LRRK1: variants seen among roughly 807,000 people sequenced by gnomAD.
The protein encoded by LRRK1 is leucine-rich repeat serine/threonine-protein kinase 1.
LRRK1 carries 113 observed loss-of-function variants against 209.1 expected under a neutral mutation model. The ratio of observed to expected loss-of-function variants is 0.54; its 90% CI spans 0.46 to 0.63. The LOEUF (loss-of-function observed/expected upper bound fraction) is 0.63. Ranked by LOEUF, LRRK1 falls within the 30% of genes least tolerant of loss-of-function variation. LRRK1 has a pLI of 0.00. For missense variants in LRRK1, 2,284 were observed against 2,632.2 expected (o/e 0.87, Z 2.89); for synonymous variants, 1,144 against 1,099.7 (o/e 1.04, Z -0.80).
At chr15:101,039,074 T>G (rs1193365974) in intron 20 of LRRK1, among the ~76,000 whole-genome samples, 1 of 152,266 alleles carries the variant, frequency 6.6e-6, no homozygotes, top group Non-Finnish European at 1.5e-5. Flanking sequence ...TTTGTTCTTC[T>G]GTTTCAAGAT....
chr15:101,027,408 A>G lies in LRRK1; in HGVS notation c.2526+27A>G, dbSNP rs1375410500. On this transcript the variant is annotated intron_variant, in intron 18 of 33. Transcript: ENST00000388948. This position sits in a 1 kb window ranked among gnomAD's most constrained non-coding sequence, Gnocchi z 5.1. ...TGGGTACCTTGCTGGTCCAGTTTAA[A>G]CCAGTCTGCCTGCTTCCCATTGTTG... 7 of 1,607,630 alleles carry G rather than the reference A, an allele frequency of 4.4e-6. No homozygotes were observed. In the South Asian group the frequency reaches 4.4e-5, roughly 10 times the overall value.
intron 12 of LRRK1, among the ~76,000 whole-genome samples, chr15:101,015,866 C>T (rs1196800222): frequency 1.3e-5 from 2 of 152,172 alleles, no homozygotes; most frequent in Non-Finnish European, 2.9e-5. Flanking sequence ...GTTCTGGAAG[C>T]TGGATATCTG....
chr15:100,924,278 G>A (rs1480281375), intron 1 of LRRK1, among the ~76,000 whole-genome samples: 2 of 152,156 alleles, frequency 1.3e-5, no homozygotes, highest in Non-Finnish European at 2.9e-5. Flanking sequence ...TTTTCCAATT[G>A]TCTGGGGTTT....
At position 100,944,576 on chromosome 15, in the gene LRRK1, C is replaced by A. The variant is rs563525337; in HGVS notation, c.97+19847C>A. Among the ~76,000 whole-genome samples the A allele has an allele frequency of 6.2e-4, 94 of 152,298 alleles. 3 individuals carry two copies. The highest frequency in any genetic ancestry group is 2.2e-3 in the African/African-American group (92 of 41,556). On this transcript the variant is annotated intron_variant, in intron 2 of 33. Transcript: ENST00000388948. ...TGATAGACACCAGCCTACAATTCTA[C>A]CAGCTACGGAGGACTCCTGATCTTG...
intron 30 of LRRK1, among the ~76,000 whole-genome samples, chr15:101,061,748 C>T (rs1210759984): frequency 5.3e-5 from 8 of 152,160 alleles, no homozygotes; most frequent in South Asian, 2.1e-4. Flanking sequence ...CAGGGGCTCA[C>T]GCCTGTAATC....
intron 2 of LRRK1, among the ~76,000 whole-genome samples, chr15:100,972,343 A>AT (rs1411501305): frequency 7.3e-4 from 71 of 96,872 alleles, no homozygotes; most frequent in African/African-American, 2.3e-3. Flanking sequence ...TATGAGAGAG[A>AT]GAGAGAGAGA....
At chr15:101,015,821 C>T (rs74406250) in intron 12 of LRRK1, among the ~76,000 whole-genome samples, 4 of 151,944 alleles carry the variant, frequency 2.6e-5, no homozygotes, top group African/African-American at 9.7e-5. Flanking sequence ...TACCACCGAC[C>T]GAGTGCTTCA....
At chr15:101,067,128 T>G (rs2036575817) in intron 33 of LRRK1, 1 of 397,656 alleles carries the variant, frequency 2.5e-6, no homozygotes, top group Non-Finnish European at 5.1e-6. Context: ...CAGCACCCTA[T>G]GGGGACAGAT....
chr15:100,964,809 C>T (rs12904580), intron 2 of LRRK1, among the ~76,000 whole-genome samples: 1 of 13,990 alleles, frequency 7.1e-5, no homozygotes, highest in Non-Finnish European at 2.4e-4. Context: ...CACACGCATG[C>T]GCGCACACAC....
intron 6 of LRRK1, among the ~76,000 whole-genome samples, chr15:100,992,777 C>T (rs748124011): frequency 2.8e-4 from 43 of 152,044 alleles, no homozygotes; most frequent in Non-Finnish European, 5.9e-4. Flanking sequence ...CAAGCAATTC[C>T]CCTGCCTCAG....
Position 100,977,046 on chromosome 15 carries a change from A to G in LRRK1, c.261+3079A>G, listed in dbSNP as rs116339465. 7.8e-3 allele frequency among the ~76,000 whole-genome samples: 1,188 copies of G among 152,312 alleles called. 16 individuals carry two copies. The highest frequency in any genetic ancestry group is 0.027 in the African/African-American group (1,141 of 41,562). ...AAACAAACGTAGGATTCTAAAAGGT[A>G]GAGAAAAGAAGGCAGAGTAGCTGGT... On this transcript the variant is annotated intron_variant, in intron 3 of 33. Coordinates refer to ENST00000388948, the MANE Select transcript of LRRK1 (RefSeq NM_024652.6).
intron 1 of LRRK1, among the ~76,000 whole-genome samples, chr15:100,920,745 G>A (rs1004444956): frequency 6.7e-6 from 1 of 148,734 alleles, no homozygotes; most frequent in East Asian, 2.0e-4. Flanking sequence ...ATAGCAGCGT[G>A]CGTCTGTGTG....
chr15:101,066,313 C>T (rs1169789820), intron 32 of LRRK1, 108 bp downstream of exon 32: 2 of 1,410,122 alleles, frequency 1.4e-6, no homozygotes, highest in Non-Finnish European at 1.9e-6. Flanking sequence ...TGTGGGGAGG[C>T]AGGTGCTGTT....
intron 9 of LRRK1, among the ~76,000 whole-genome samples, chr15:101,011,324 A>T (rs555489524): frequency 3.8e-4 from 58 of 151,798 alleles, no homozygotes; most frequent in African/African-American, 6.5e-4. Context: ...AAAAAAAAAA[A>T]AATAAGCTGG....
chr15:101,026,122 C>G lies in LRRK1; in HGVS notation c.2390C>G (p.Thr797Ser). 6.2e-7 allele frequency: 1 copy of G among 1,614,254 alleles called. No individual in the cohort carries two copies. Among genetic ancestry groups the G allele is most frequent in the African/African-American group, 1.3e-5 (1 of 75,076 alleles). ...GSRATGFPDI[T>S]FKHLHEISCK... ...AGGGCCACAGGCTTCCCAGACATCA[C>G]CTTCAAACACTTACAGTGAGTGCCC... The change falls in exon 17 of 34, where the codon ACC (threonine) becomes AGC (serine). Residue 797 changes from threonine (T) to serine (S), a missense_variant. This residue lies in a region of LRRK1 where 780 missense variants were observed against 985.2 expected (regional missense o/e 0.79). Coordinates refer to ENST00000388948, the MANE Select transcript of LRRK1 (RefSeq NM_024652.6).
chr15:100,989,098 A>T, intron 5 of LRRK1, 152 bp from the exon 6 acceptor site: 1 of 764,220 alleles, frequency 1.3e-6, no homozygotes, highest in Admixed American at 2.6e-5. Context: ...TCTCCCACTA[A>T]CAGAAACTTG....
At chr15:101,001,110 C>A (rs1197583070) in intron 6 of LRRK1, among the ~76,000 whole-genome samples, 1 of 152,166 alleles carries the variant, frequency 6.6e-6, no homozygotes, top group African/African-American at 2.4e-5. Flanking sequence ...AGAGATGAGG[C>A]ACAGTTTGTT....
intron 2 of LRRK1, among the ~76,000 whole-genome samples, chr15:100,939,509 T>C (rs2042362349): frequency 6.6e-6 from 1 of 152,254 alleles, no homozygotes; most frequent in African/African-American, 2.4e-5. Flanking sequence ...TCTAATTGTC[T>C]CTCTCTGATG....
At position 101,051,891 on chromosome 15, in the gene LRRK1, G is replaced by A. The variant is rs781044673; in HGVS notation, c.3620G>A (p.Arg1207Lys). 45 of 1,614,052 alleles carry A rather than the reference G, an allele frequency of 2.8e-5. 2 individuals are homozygous for A. In the South Asian group the frequency reaches 4.9e-4, roughly 18 times the overall value. The part of the protein sequence containing the change: ...AIERDFISCP[R>K]HPDLPVPLQE... Reference sequence around the variant, plus strand: ...GAGCGGGACTTCATCTCCTGCCCCAGACACCCGGACCTCCCCGTGCCGCTG... The same window carrying A: ...GAGCGGGACTTCATCTCCTGCCCCAAACACCCGGACCTCCCCGTGCCGCTG... Residue 1207 changes from arginine (R) to lysine (K), a missense_variant, in exon 24 of 34, where the codon AGA becomes AAA. By Grantham distance (26) the Arg-to-Lys change is conservative. Around this residue, in one of 6 missense-constraint regions of LRRK1, gnomAD observed 780 missense variants for 985.2 expected, o/e 0.79. Transcript: ENST00000388948.
Sources: allele counts gnomAD v4.1 joint callset (sites outside exome capture counted in the v4.1 genomes callset), GRCh38; gene constraint gnomAD v4.1.1; regional missense constraint gnomAD v4.1.1; non-coding constraint Gnocchi (gnomAD v3.1); transcripts MANE v1.5; gene names NCBI Gene and HGNC (gene_info 2026-07-23, HGNC 2026-07-21).